The following MKLN1 variants were observed in gnomAD, a reference collection of about 807,000 sequenced individuals.
MKLN1 encodes muskelin.
MKLN1 carries 18 observed loss-of-function variants against 99.0 expected under a neutral mutation model. That is an observed-to-expected ratio of 0.18 (90% confidence interval 0.13 to 0.27). The LOEUF (loss-of-function observed/expected upper bound fraction) is 0.27, where lower values mean the gene tolerates loss of function less well. MKLN1 is among the 10% of genes least tolerant of loss of function. MKLN1 has a pLI of 1.00. For synonymous variants in MKLN1, 288 were observed against 293.2 expected (o/e 0.98, Z 0.18); for missense variants, 621 against 875.9 (o/e 0.71, Z 3.67).
intron 1 of MKLN1, among the ~76,000 whole-genome samples, chr7:131,343,081 G>A (rs1348710221): frequency 2.0e-5 from 3 of 152,344 alleles, no homozygotes; most frequent in East Asian, 1.9e-4. Flanking sequence ...AGAGAATTGC[G>A]CTTCCACTGT....
chr7:131,240,628 C>T (rs1439344558), intron 3 of MKLN1, among the ~76,000 whole-genome samples: 1 of 152,176 alleles, frequency 6.6e-6, no homozygotes, highest in Non-Finnish European at 1.5e-5. Flanking sequence ...TAAACTCATT[C>T]ATACGCTATA....
At chr7:131,478,739 G>A (rs1374975214) in intron 17 of MKLN1, 62 bp downstream of exon 17, 2 of 1,584,266 alleles carry the variant, frequency 1.3e-6, no homozygotes, top group Non-Finnish European at 1.7e-6. Flanking sequence ...TTGGATTTTG[G>A]TTTCTTTTAC....
At chr7:131,398,758 T>C (rs1463168642) in intron 5 of MKLN1, among the ~76,000 whole-genome samples, 1 of 152,194 alleles carries the variant, frequency 6.6e-6, no homozygotes, top group Non-Finnish European at 1.5e-5. Context: ...TAAAATGTGT[T>C]TGTAAATTTG....
intron 1 of MKLN1, among the ~76,000 whole-genome samples, chr7:131,127,177 AAAAAAGAAAG>A: frequency 7.9e-6 from 1 of 126,428 alleles, no homozygotes; most frequent in Admixed American, 7.5e-5. Flanking sequence ...AAAAAAAAAA[AAAAAAGAAAG>A]AAAAGAATAG....
chr7:131,478,489 ATAGACCTATGTCACAC>A lies in MKLN1; in HGVS notation c.2032-133_2032-118del. 6.3e-6 allele frequency: 5 copies of A among 796,512 alleles called. No individual in the cohort carries two copies. In the South Asian group the frequency reaches 1.6e-4, roughly 26 times the overall value. The allele number at this position is 796,512 out of a possible 1,614,324, so 49.3% of individuals were successfully genotyped here. A position where few individuals can be genotyped will look rare whatever the true frequency, so the allele number is the denominator to read the frequency against. ...TGTTCTTCTTGCCACTATTTGGTGAATAGACCTATGTCACACATATGCAGAAATACGTAGTTGCTGA... is the reference window on the plus strand; with the variant it reads ...TGTTCTTCTTGCCACTATTTGGTGAAATATGCAGAAATACGTAGTTGCTGA... On this transcript the variant is annotated intron_variant, in intron 16 of 17. Transcript: ENST00000352689.
intron 1 of MKLN1, among the ~76,000 whole-genome samples, chr7:131,364,481 T>A (rs80155157): frequency 2.1e-4 from 32 of 152,038 alleles, no homozygotes; most frequent in Non-Finnish European, 4.3e-4. Flanking sequence ...TTTTTTTTTT[T>A]AAACATTTAT....
At chr7:131,135,630 AGT>A (rs1362802331) in intron 1 of MKLN1, among the ~76,000 whole-genome samples, 4 of 152,176 alleles carry the variant, frequency 2.6e-5, no homozygotes, top group African/African-American at 9.7e-5. Flanking sequence ...AAGGGTAGAA[AGT>A]GTTTTATCAG....
chr7:131,171,445 T>C (rs944149056), intron 2 of MKLN1, among the ~76,000 whole-genome samples: 59 of 151,980 alleles, frequency 3.9e-4, no homozygotes, highest in African/African-American at 1.4e-3. Flanking sequence ...TCTTTATTAT[T>C]GTTTAAATAT....
At chr7:131,174,501 G>A (rs969801274) in intron 2 of MKLN1, among the ~76,000 whole-genome samples, 5 of 152,092 alleles carry the variant, frequency 3.3e-5, no homozygotes, top group African/African-American at 9.7e-5. Context: ...CTCAGAACCC[G>A]TTTTCTCTTC....
At chr7:131,210,269 G>C (rs1286726240) in intron 3 of MKLN1, among the ~76,000 whole-genome samples, 2 of 152,204 alleles carry the variant, frequency 1.3e-5, no homozygotes, top group African/African-American at 4.8e-5. Context: ...GGTGGCTCAT[G>C]CCTATAATCC....
chr7:131,125,914 G>A (rs1329584572), intron 1 of MKLN1, among the ~76,000 whole-genome samples: 3 of 151,476 alleles, frequency 2.0e-5, no homozygotes, highest in South Asian at 2.1e-4. Context: ...GCTGAGGCAG[G>A]AGAATGGCGT....
chr7:131,388,993 A>G, intron 4 of MKLN1, 21 bp downstream of exon 4: 1 of 1,506,430 alleles, frequency 6.6e-7, no homozygotes, highest in Non-Finnish European at 9.2e-7. Flanking sequence ...AGCATTCTGA[A>G]ATAGAAACAA....
At position 131,420,671 on chromosome 7, in the gene MKLN1, T is replaced by C. The variant is rs566601412; in HGVS notation, c.847+5961T>C. ...GTAACACTGTTCAAACCATTATTAC[T>C]ACAATAATTTCCACATTGTTTTAGA... is the stretch of plus-strand genomic sequence containing the variant. On this transcript the variant is annotated intron_variant, in intron 8 of 17. Coordinates refer to ENST00000352689, the MANE Select transcript of MKLN1 (RefSeq NM_013255.5). Among the ~76,000 whole-genome samples, 71 of 152,342 alleles carry C rather than the reference T, an allele frequency of 4.7e-4. 1 individual carries two copies. The South Asian group carries it at 0.014, about 31-fold the overall frequency.
intron 3 of MKLN1, among the ~76,000 whole-genome samples, chr7:131,277,844 T>C (rs1485811234): frequency 2.0e-5 from 3 of 152,228 alleles, no homozygotes; most frequent in Non-Finnish European, 2.9e-5. Context: ...ATTTGATCTT[T>C]ACAAATTATA....
intron 2 of MKLN1, among the ~76,000 whole-genome samples, chr7:131,159,460 C>A (rs1010689619): frequency 2.6e-5 from 4 of 152,018 alleles, no homozygotes; most frequent in Admixed American, 2.6e-4. Context: ...GTGAAATAAG[C>A]CAGGCACAGT....
intron 3 of MKLN1, among the ~76,000 whole-genome samples, chr7:131,239,479 G>A (rs532751945): frequency 6.6e-6 from 1 of 152,030 alleles, no homozygotes; most frequent in Admixed American, 6.6e-5. Context: ...GCCACACCCA[G>A]CTGATTTTTA....
chr7:131,246,067 C>T (rs1434004896), intron 3 of MKLN1, among the ~76,000 whole-genome samples: 1 of 152,184 alleles, frequency 6.6e-6, no homozygotes, highest in African/African-American at 2.4e-5. Context: ...GGGGAGGGGG[C>T]CCAAGGTCCT....
intron 10 of MKLN1, among the ~76,000 whole-genome samples, chr7:131,440,518 G>A (rs1473327603): frequency 6.6e-6 from 1 of 152,052 alleles, no homozygotes; most frequent in African/African-American, 2.4e-5. Flanking sequence ...GCTTTAGAGA[G>A]ACATTCTAAA....
At chr7:131,283,868 A>G (rs781576272) in intron 3 of MKLN1, among the ~76,000 whole-genome samples, 1 of 152,218 alleles carries the variant, frequency 6.6e-6, no homozygotes, top group African/African-American at 2.4e-5. Context: ...GTATGTAAAT[A>G]GTGTACATAT....
Sources: allele counts gnomAD v4.1 joint callset (sites outside exome capture counted in the v4.1 genomes callset), GRCh38; gene constraint gnomAD v4.1.1; transcripts MANE v1.5; gene names NCBI Gene and HGNC (gene_info 2026-07-23, HGNC 2026-07-21).